The following PRKX variants were observed in gnomAD, a reference collection of about 807,000 sequenced individuals.
PRKX encodes the protein protein kinase cAMP-dependent X-linked catalytic subunit.
PRKX carries 12 observed loss-of-function variants against 22.0 expected under a neutral mutation model. The observed-to-expected ratio is 0.54, with a 90% CI of 0.35 to 0.88. The LOEUF (loss-of-function observed/expected upper bound fraction) is 0.88. Ranked by LOEUF, PRKX falls within the 40% of genes least tolerant of loss-of-function variation. The probability of loss-of-function intolerance (pLI) is 0.01; values close to 1 mark genes in which losing one functional copy is unlikely to be tolerated. For synonymous variants in PRKX, 134 were observed against 137.7 expected, an observed-to-expected ratio of 0.97 and a Z score of 0.19; for missense variants, 217 against 308.0, an observed-to-expected ratio of 0.70 and a Z score of 2.21.
chrX:3,610,857 C>G (rs1926280951), intron 8 of PRKX: 1 of 111,543 alleles, frequency 9.0e-6, no homozygotes, highest in Non-Finnish European at 1.9e-5. Context: ...CCTGGAGAGA[C>G]ACAATTTGTA....
chrX:3,624,955 C>T (rs924083512), intron 5 of PRKX, among the ~76,000 whole-genome samples: 11 of 111,070 alleles, frequency 9.9e-5, no homozygotes, highest in African/African-American at 3.6e-4. Flanking sequence ...GCTTTGCCAT[C>T]CACTTAATAT....
chrX:3,608,196 G>C lies in PRKX; in HGVS notation c.*773C>G, dbSNP rs756807865. On this transcript the variant is annotated 3_prime_UTR_variant, in exon 9 of 9. Coordinates refer to ENST00000262848, the MANE Select transcript of PRKX (RefSeq NM_005044.5). ...TGCATCCAGCTCAGATGAAATTTTTGAATGTGTCACAGAAGGTTTTTTTAA... is the reference window on the plus strand; with the variant it reads ...TGCATCCAGCTCAGATGAAATTTTTCAATGTGTCACAGAAGGTTTTTTTAA... The C allele has an allele frequency of 9.0e-6, 1 of 110,622 alleles. No individual in the cohort carries two copies. Among genetic ancestry groups the C allele is most frequent in the East Asian group, 2.8e-4 (1 of 3,541 alleles). The allele number at this position is 110,622 out of a possible 1,213,427, so 9.1% of individuals were successfully genotyped here.
chrX:3,674,861 G>A (rs1348514579), intron 1 of PRKX, 95 bp from the exon 2 acceptor site: 13 of 993,492 alleles, frequency 1.3e-5, no homozygotes, highest in African/African-American at 1.9e-5. Context: ...GCACCAGGAC[G>A]GCAAACACAG....
chrX:3,665,999 G>GT (rs1172265585), intron 2 of PRKX, among the ~76,000 whole-genome samples: 26 of 90,557 alleles, frequency 2.9e-4, no homozygotes, highest in Non-Finnish European at 4.2e-4. Flanking sequence ...ACAGTGTTTT[G>GT]TTTTTTTTGT....
At position 3,655,310 on chromosome X, in the gene PRKX, G is replaced by A. The variant is rs1204486546; in HGVS notation, c.438C>T (p.Ser146=). The part of the protein sequence containing the change: ...SYLRNRGRFS[S]TTGLFYSAEI... Reference sequence around the variant, plus strand: ...CTGCAGAGTAGAAGAGCCCCGTGGTGCTGGAGAAGCGCCCCCGGTTGCGCA... The same window carrying A: ...CTGCAGAGTAGAAGAGCCCCGTGGTACTGGAGAAGCGCCCCCGGTTGCGCA... The change falls in exon 3 of 9, where the codon AGC becomes AGT. Residue 146 remains serine (S), a synonymous_variant. Transcript: ENST00000262848. The A allele has an allele frequency of 4.1e-6, 5 of 1,212,203 alleles. No homozygotes were observed. The South Asian group carries it at 8.8e-5, about 21-fold the overall frequency.
At chrX:3,634,115 T>G (rs1177007966) in intron 4 of PRKX, among the ~76,000 whole-genome samples, 2 of 109,657 alleles carry the variant, frequency 1.8e-5, no homozygotes, top group Non-Finnish European at 3.8e-5. Flanking sequence ...CCAGGCACGG[T>G]GGCACGCACC....
At chrX:3,637,247 G>A (rs758505112) in intron 4 of PRKX, among the ~76,000 whole-genome samples, 50 of 111,349 alleles carry the variant, frequency 4.5e-4, no homozygotes, top group Non-Finnish European at 7.7e-4. Flanking sequence ...GGAGGGGCCA[G>A]GCTGTTGTCT....
chrX:3,609,412 C>T (rs779374915), intron 8 of PRKX, among the ~76,000 whole-genome samples: 3 of 111,597 alleles, frequency 2.7e-5, no homozygotes, highest in Non-Finnish European at 5.6e-5. Flanking sequence ...CCATGCGCCT[C>T]GGCCTCCCAA....
At chrX:3,648,528 A>C (rs1927235856) in intron 3 of PRKX, among the ~76,000 whole-genome samples, 1 of 109,575 alleles carries the variant, frequency 9.1e-6, no homozygotes, top group South Asian at 4.0e-4. Context: ...GAAAAAAAAC[A>C]AAGTGACAAA....
chrX:3,625,109 C>T (rs1026409822), intron 5 of PRKX, among the ~76,000 whole-genome samples: 4 of 111,516 alleles, frequency 3.6e-5, no homozygotes, highest in African/African-American at 1.3e-4. Context: ...CAGGGTGTCC[C>T]TTCTAGGCGA....
chrX:3,639,547 G>C (rs1280322075), intron 4 of PRKX, among the ~76,000 whole-genome samples: 1 of 77,189 alleles, frequency 1.3e-5, no homozygotes, highest in African/African-American at 5.0e-5. Flanking sequence ...GGGGTGGGTG[G>C]GTGGATGGAT....
chrX:3,692,137 GAGAGAGAGACAGAA>G (rs1232608487), intron 1 of PRKX, among the ~76,000 whole-genome samples: 48 of 107,729 alleles, frequency 4.5e-4, no homozygotes, highest in South Asian at 2.5e-3. Flanking sequence ...GGGGGAGAGA[GAGAGAGAGACAGAA>G]AGAGAGAGAC....
chrX:3,713,143 C>G lies in PRKX; in HGVS notation c.111G>C (p.Leu37=), dbSNP rs1401170551. 8.7e-6 allele frequency: 10 copies of G among 1,153,893 alleles called. No individual in the cohort carries two copies. Among genetic ancestry groups the G allele is most frequent in the Non-Finnish European group, 1.1e-5 (10 of 870,804 alleles). ...GGCTGTACACAGGCGGCTCCGGCGA[C>G]AGCGCCTCAGGGCTGGGGCAGAGCG... The part of the protein sequence containing the change: ...APALCPSPEA[L]SPEPPVYSLQ... Residue 37 remains leucine, a synonymous_variant, in exon 1 of 9, where the codon CTG becomes CTC. Transcript: ENST00000262848.
At chrX:3,656,295 A>G (rs1927479598) in intron 2 of PRKX, among the ~76,000 whole-genome samples, 1 of 110,883 alleles carries the variant, frequency 9.0e-6, no homozygotes. Context: ...AACATATAGG[A>G]AGAGACAGAT....
intron 1 of PRKX, among the ~76,000 whole-genome samples, chrX:3,676,685 C>G (rs1030632157): frequency 6.3e-5 from 7 of 111,802 alleles, no homozygotes; most frequent in African/African-American, 2.0e-4. Context: ...TACAAGGAAT[C>G]TGACATGGCT....
chrX:3,704,604 C>G (rs56297629), intron 1 of PRKX, among the ~76,000 whole-genome samples: 1,295 of 110,749 alleles, frequency 0.012, 19 homozygotes, highest in African/African-American at 0.041. Flanking sequence ...GACGTCAATG[C>G]TGCAGTGACA....
At chrX:3,689,771 A>T (rs1341212619) in intron 1 of PRKX, among the ~76,000 whole-genome samples, 8 of 111,780 alleles carry the variant, frequency 7.2e-5, no homozygotes, top group Non-Finnish European at 9.4e-5. Flanking sequence ...AGGTCAGGAG[A>T]TCGAGACCAT....
At chrX:3,628,248 A>G (rs1926701110) in intron 4 of PRKX, among the ~76,000 whole-genome samples, 1 of 111,082 alleles carries the variant, frequency 9.0e-6, no homozygotes, top group Admixed American at 9.7e-5. Context: ...GACGCTGGGA[A>G]GGGAAGAAGT....
chrX:3,703,955 A>C (rs929395248), intron 1 of PRKX, among the ~76,000 whole-genome samples: 38 of 110,528 alleles, frequency 3.4e-4, no homozygotes, highest in African/African-American at 1.2e-3. Flanking sequence ...TACAGGTGTG[A>C]GCCCCCACAC....
Sources: gnomAD v4.1 joint callset for allele counts (sites outside exome capture counted in the v4.1 genomes callset) on GRCh38, gnomAD v4.1.1 for gene constraint, MANE v1.5 for transcripts, NCBI Gene and HGNC (gene_info 2026-07-23, HGNC 2026-07-21) for gene names.